Variants in ZNF722 observed in about 807,000 individuals in gnomAD.
The protein encoded by ZNF722 is zinc finger protein 479 pseudogene.
the ZNF722 span, among the ~76,000 whole-genome samples, chr7:64,004,425 A>AAAAAAAAATAT: frequency 2.1e-4 from 13 of 61,112 alleles, no homozygotes; most frequent in African/African-American, 3.2e-4. Flanking sequence ...AAAAAAAAAA[A>AAAAAAAAATAT]ATATATATAT....
the ZNF722 span, among the ~76,000 whole-genome samples, chr7:64,011,875 T>C: frequency 1.3e-5 from 2 of 152,186 alleles, no homozygotes; most frequent in Non-Finnish European, 2.9e-5. Context: ...CCCTGTCACT[T>C]TCAGGTACAC....
the ZNF722 span, among the ~76,000 whole-genome samples, chr7:64,010,715 A>G: frequency 6.6e-6 from 1 of 152,194 alleles, no homozygotes; most frequent in Non-Finnish European, 1.5e-5. Context: ...AAGAATGTAC[A>G]TTCCGTTGCT....
At chr7:64,004,425 A>AAAAATATATATATATATAT in the ZNF722 span, among the ~76,000 whole-genome samples, 6 of 61,108 alleles carry the variant, frequency 9.8e-5, no homozygotes, top group African/African-American at 4.8e-4. Flanking sequence ...AAAAAAAAAA[A>AAAAATATATATATATATAT]ATATATATAT....
chr7:64,006,460 C>A, the ZNF722 span: 1 of 579,630 alleles, frequency 1.7e-6, no homozygotes, highest in Non-Finnish European at 2.8e-6. Context: ...TTTTCTTTTG[C>A]TCTCACATAG....
the ZNF722 span, chr7:64,005,653 G>A: frequency 7.3e-7 from 1 of 1,365,976 alleles, no homozygotes; most frequent in Non-Finnish European, 1.0e-6. Context: ...AATTCTCTCT[G>A]GAGGAGTGGC....
At chr7:64,004,736 T>C in the ZNF722 span, among the ~76,000 whole-genome samples, 3 of 152,072 alleles carry the variant, frequency 2.0e-5, no homozygotes, top group Admixed American at 6.6e-5. Context: ...GACTTTTGCA[T>C]ATATTTGTCT....
the ZNF722 span, among the ~76,000 whole-genome samples, chr7:64,007,691 T>C: frequency 6.6e-6 from 1 of 152,210 alleles, no homozygotes; most frequent in Non-Finnish European, 1.5e-5. Flanking sequence ...TGAGTAGTGC[T>C]GCAATACACA....
At chr7:64,004,621 G>A in the ZNF722 span, among the ~76,000 whole-genome samples, 1 of 151,530 alleles carries the variant, frequency 6.6e-6, no homozygotes, top group Non-Finnish European at 1.5e-5. Flanking sequence ...TTCCACTATA[G>A]AGTTAATTAT....
chr7:64,005,540 C>G, the ZNF722 span: 1 of 698,214 alleles, frequency 1.4e-6, no homozygotes, highest in South Asian at 1.8e-5. Flanking sequence ...GAGTCAAATA[C>G]AAATCTCTGC....
the ZNF722 span, among the ~76,000 whole-genome samples, chr7:64,007,236 A>ATATATATATATATATATG: frequency 2.0e-5 from 2 of 100,426 alleles, no homozygotes; most frequent in Non-Finnish European, 4.6e-5. Context: ...GTGTGTATAT[A>ATATATATATATATATATG]TATATATATA....
chr7:64,012,272 T>C, the ZNF722 span, among the ~76,000 whole-genome samples: 3 of 152,324 alleles, frequency 2.0e-5, no homozygotes, highest in South Asian at 2.1e-4. Context: ...AGCCTACTTC[T>C]GTCAACTCGT....
At chr7:64,017,801 A>G in the ZNF722 span, among the ~76,000 whole-genome samples, 2 of 152,250 alleles carry the variant, frequency 1.3e-5, no homozygotes, top group East Asian at 1.9e-4. Flanking sequence ...ATAACAGTAT[A>G]TACATTTCAA....
At chr7:64,014,907 CTGTGGTAATT>C in the ZNF722 span, 1 of 759,682 alleles carries the variant, frequency 1.3e-6, no homozygotes, top group East Asian at 2.6e-5. Context: ...GAATTATGGC[CTGTGGTAATT>C]TGATATGCCA....
chr7:64,004,428 ATATAT>A, the ZNF722 span, among the ~76,000 whole-genome samples: 7 of 64,262 alleles, frequency 1.1e-4, no homozygotes, highest in East Asian at 7.9e-4. Context: ...AAAAAAAAAT[ATATAT>A]ATATATATAT....
At chr7:64,009,333 G>A in the ZNF722 span, among the ~76,000 whole-genome samples, 1 of 152,270 alleles carries the variant, frequency 6.6e-6, no homozygotes, top group South Asian at 2.1e-4. Context: ...TTTTCAAAGG[G>A]AATGCTGCCA....
At chr7:64,010,725 T>A in the ZNF722 span, among the ~76,000 whole-genome samples, 1 of 152,190 alleles carries the variant, frequency 6.6e-6, no homozygotes, top group Non-Finnish European at 1.5e-5. Flanking sequence ...ATTCCGTTGC[T>A]TTTGTGTGGA....
chr7:64,001,870 G>C, the ZNF722 span, among the ~76,000 whole-genome samples: 1 of 151,674 alleles, frequency 6.6e-6, no homozygotes. Flanking sequence ...ATCAACTTCT[G>C]GTTTCGTTGA....
At chr7:64,001,214 T>A in the ZNF722 span, among the ~76,000 whole-genome samples, 3 of 152,202 alleles carry the variant, frequency 2.0e-5, no homozygotes, top group African/African-American at 7.2e-5. Context: ...TCCAACAGAT[T>A]TGTTTTCTGA....
At chr7:64,004,423 AAAAT>A in the ZNF722 span, among the ~76,000 whole-genome samples, 2 of 61,744 alleles carry the variant, frequency 3.2e-5, no homozygotes, top group African/African-American at 1.4e-4. Context: ...AAAAAAAAAA[AAAAT>A]ATATATATAT....
Sources: allele counts gnomAD v4.1 joint callset (sites outside exome capture counted in the v4.1 genomes callset), GRCh38; gene constraint gnomAD v4.1.1; transcripts MANE v1.5; gene names NCBI Gene and HGNC (gene_info 2026-07-23, HGNC 2026-07-21).